MKLN1: variants seen among roughly 807,000 people sequenced by gnomAD.
The protein encoded by MKLN1 is muskelin.
MKLN1 carries 18 observed loss-of-function variants against 99.0 expected under a neutral mutation model. The ratio of observed to expected loss-of-function variants is 0.18; its 90% confidence interval spans 0.13 to 0.27. The LOEUF (loss-of-function observed/expected upper bound fraction) is 0.27. MKLN1 is among the 10% of genes least tolerant of loss of function. The probability of loss-of-function intolerance (pLI) is 1.00; values close to 1 mark genes in which losing one functional copy is unlikely to be tolerated. For synonymous variants in MKLN1, 288 were observed against 293.2 expected (o/e 0.98, Z 0.18); for missense variants, 621 against 875.9 (o/e 0.71, Z 3.67).
At chr7:131,378,437 GT>G (rs1793733115) in intron 2 of MKLN1, among the ~76,000 whole-genome samples, 1 of 152,174 alleles carries the variant, frequency 6.6e-6, no homozygotes, top group African/African-American at 2.4e-5. Flanking sequence ...TTCATGTATA[GT>G]TATGTAGCAA....
chr7:131,206,504 AT>A (rs1161320036), intron 3 of MKLN1, among the ~76,000 whole-genome samples: 2 of 149,606 alleles, frequency 1.3e-5, no homozygotes, highest in African/African-American at 4.9e-5. Context: ...ATATATGTTT[AT>A]TTGTTAATAT....
intron 3 of MKLN1, among the ~76,000 whole-genome samples, chr7:131,279,738 T>C (rs1798024523): frequency 6.6e-6 from 1 of 152,100 alleles, no homozygotes; most frequent in African/African-American, 2.4e-5. Context: ...CCTGGCAAGG[T>C]GGAGACTGCA....
chr7:131,451,001 CTG>C (rs1796161380), intron 12 of MKLN1, among the ~76,000 whole-genome samples: 1 of 152,222 alleles, frequency 6.6e-6, no homozygotes, highest in Admixed American at 6.5e-5. Context: ...CTAAATTAGA[CTG>C]TTCAGAAAAC....
At chr7:131,285,526 G>A (rs1199601694) in intron 3 of MKLN1, among the ~76,000 whole-genome samples, 1 of 152,204 alleles carries the variant, frequency 6.6e-6, no homozygotes, top group South Asian at 2.1e-4. Context: ...TGGACTTGCC[G>A]AAAGTCAACT....
chr7:131,270,318 T>G (rs77347982), intron 3 of MKLN1, among the ~76,000 whole-genome samples: 20,779 of 149,976 alleles, frequency 0.14, 1,676 homozygotes, highest in South Asian at 0.33. Context: ...TGCCTCCCAG[T>G]TTCAAGCAAT....
At chr7:131,251,646 G>A (rs1563267581) in intron 3 of MKLN1, among the ~76,000 whole-genome samples, 1 of 151,522 alleles carries the variant, frequency 6.6e-6, no homozygotes, top group Non-Finnish European at 1.5e-5. Context: ...ATTGTAAAGT[G>A]AATTGTCTAG....
intron 1 of MKLN1, among the ~76,000 whole-genome samples, chr7:131,335,710 T>TA (rs1303417112): frequency 1.4e-5 from 2 of 145,410 alleles, no homozygotes; most frequent in Admixed American, 1.4e-4. Flanking sequence ...TTTTTTTTTT[T>TA]AACAAATGTA....
intron 3 of MKLN1, among the ~76,000 whole-genome samples, chr7:131,264,887 G>A (rs1797785175): frequency 1.3e-5 from 2 of 152,098 alleles, no homozygotes; most frequent in African/African-American, 2.4e-5. Context: ...CACCCAGGCT[G>A]TAGTGCAGTG....
chr7:131,422,730 G>A, intron 8 of MKLN1, among the ~76,000 whole-genome samples: 1 of 151,490 alleles, frequency 6.6e-6, no homozygotes, highest in East Asian at 1.9e-4. Context: ...TCTTTTTTTA[G>A]TCTGTAGGGT....
chr7:131,389,943 T>A (rs1794149893), intron 4 of MKLN1, among the ~76,000 whole-genome samples: 1 of 152,110 alleles, frequency 6.6e-6, no homozygotes, highest in South Asian at 2.1e-4. Context: ...TTGCATACTT[T>A]TGAAAATATT....
At chr7:131,198,406 C>T (rs1038207656) in intron 2 of MKLN1, among the ~76,000 whole-genome samples, 2 of 152,186 alleles carry the variant, frequency 1.3e-5, no homozygotes, top group Non-Finnish European at 2.9e-5. Flanking sequence ...TTGAGCAAAG[C>T]GTTCCCAAGT....
exon 1 of MKLN1, chr7:131,110,170 C>A (rs1368516430): frequency 5.8e-6 from 1 of 173,842 alleles, no homozygotes; most frequent in Non-Finnish European, 1.2e-5. Context: ...GCAGGGAGGG[C>A]TCCGCTAGCC....
chr7:131,135,969 G>A (rs747598090), intron 1 of MKLN1, among the ~76,000 whole-genome samples: 35 of 152,284 alleles, frequency 2.3e-4, no homozygotes, highest in Non-Finnish European at 4.1e-4. Flanking sequence ...AGGGTGCAAA[G>A]CTTTGCGTAA....
chr7:131,346,220 T>G (rs1799555196), intron 1 of MKLN1, among the ~76,000 whole-genome samples: 1 of 152,196 alleles, frequency 6.6e-6, no homozygotes, highest in Non-Finnish European at 1.5e-5. Flanking sequence ...ATAACAACTT[T>G]ATTAAAAATT....
chr7:131,244,840 T>C (rs1565052), intron 3 of MKLN1, among the ~76,000 whole-genome samples: 152,249 of 152,250 alleles, frequency 1, 76,124 homozygotes, highest in Non-Finnish European at 1. Flanking sequence ...CCTCTGCACA[T>C]ATGCCCGAAT....
At position 131,488,292 on chromosome 7, in the gene MKLN1, G is replaced by A. The variant is rs1387043740; in HGVS notation, c.*564G>A. On this transcript the variant is annotated 3_prime_UTR_variant, in exon 18 of 18. Coordinates refer to ENST00000352689, the MANE Select transcript of MKLN1 (RefSeq NM_013255.5). The stretch of plus-strand genomic sequence containing the variant: ...GTATGTTAAGGTGATATCTGTGTCT[G>A]TATTGACTTGTCTTGTGTTACATTA... 3 of 152,004 alleles carry A rather than the reference G, an allele frequency of 2.0e-5. No individual in the cohort carries two copies. Among genetic ancestry groups the A allele is most frequent in the Non-Finnish European group, 4.4e-5 (3 of 67,986 alleles). 9.4% of individuals were successfully genotyped at this position (152,004 alleles called of 1,614,324 possible). A position where few individuals can be genotyped will look rare whatever the true frequency, so the allele number is the denominator to read the frequency against.
At chr7:131,330,937 A>G (rs932785032) in intron 1 of MKLN1, among the ~76,000 whole-genome samples, 3 of 152,084 alleles carry the variant, frequency 2.0e-5, no homozygotes, top group Non-Finnish European at 2.9e-5. Flanking sequence ...GATTGCCTGT[A>G]TTTTACTTTT....
At chr7:131,473,425 GCTGA>G (rs1380711207) in intron 16 of MKLN1, among the ~76,000 whole-genome samples, 6 of 151,976 alleles carry the variant, frequency 3.9e-5, no homozygotes, top group Non-Finnish European at 5.9e-5. Context: ...GACATTGACA[GCTGA>G]CTATCAACTA....
chr7:131,184,618 G>A (rs549065834), intron 2 of MKLN1, among the ~76,000 whole-genome samples: 12 of 152,062 alleles, frequency 7.9e-5, no homozygotes, highest in Admixed American at 6.6e-4. Flanking sequence ...TCCGCCTCCC[G>A]GGTTCAAGCA....
Sources: gnomAD v4.1 joint callset for allele counts (sites outside exome capture counted in the v4.1 genomes callset) on GRCh38, gnomAD v4.1.1 for gene constraint, MANE v1.5 for transcripts, NCBI Gene and HGNC (gene_info 2026-07-23, HGNC 2026-07-21) for gene names.